The following KLRG1 variants were observed in gnomAD, a reference collection of about 807,000 sequenced individuals.
KLRG1 encodes the protein killer cell lectin-like receptor subfamily G member 1.
Under a neutral mutation model 21.8 loss-of-function variants are expected in KLRG1, and 16 were observed. The ratio of observed to expected loss-of-function variants is 0.73; its 90% CI spans 0.50 to 1.11. The LOEUF (loss-of-function observed/expected upper bound fraction) is 1.11, where lower values mean the gene tolerates loss of function less well. Among genes scored for constraint, KLRG1 ranks in the 50% most tolerant of loss-of-function variants. The pLI, the probability that KLRG1 is intolerant of heterozygous loss-of-function variation, is 0.00. For missense variants in KLRG1, 173 were observed against 218.3 expected, an observed-to-expected ratio of 0.79 and a Z score of 1.31; for synonymous variants, 69 against 75.9, an observed-to-expected ratio of 0.91 and a Z score of 0.47.
At chr12:9,099,438 G>A in the KLRG1 span, 39 of 1,597,934 alleles carry the variant, frequency 2.4e-5, no homozygotes, top group African/African-American at 1.2e-4. Context: ...TCACGTCCCC[G>A]GTAGGTAAAA....
the KLRG1 span, among the ~76,000 whole-genome samples, chr12:9,134,920 T>C: frequency 6.6e-6 from 1 of 152,162 alleles, no homozygotes; most frequent in South Asian, 2.1e-4. Flanking sequence ...TTTTTTACTC[T>C]AATGAAAGAA....
the KLRG1 span, among the ~76,000 whole-genome samples, chr12:9,163,309 A>G: frequency 1.3e-5 from 2 of 151,468 alleles, no homozygotes; most frequent in East Asian, 1.9e-4. Flanking sequence ...AAAAAAAAAA[A>G]AAAAAATTAG....
At chr12:9,164,222 G>C in the KLRG1 span, 1 of 1,612,230 alleles carries the variant, frequency 6.2e-7, no homozygotes, top group Non-Finnish European at 8.5e-7. Context: ...ATTTTGGGAA[G>C]CTAGGAAGGC....
chr12:9,153,395 G>C, the KLRG1 span: 2 of 1,497,988 alleles, frequency 1.3e-6, no homozygotes, highest in Non-Finnish European at 1.8e-6. Flanking sequence ...TTGGCATCTG[G>C]GATTTTCCCC....
At chr12:8,993,940 G>A (rs1445754982) in intron 2 of KLRG1, among the ~76,000 whole-genome samples, 5 of 152,162 alleles carry the variant, frequency 3.3e-5, no homozygotes, top group African/African-American at 1.2e-4. Flanking sequence ...CTTGCTCACT[G>A]TAGAATTGTG....
intron 1 of KLRG1, among the ~76,000 whole-genome samples, chr12:8,956,607 G>A (rs754751798): frequency 3.2e-4 from 48 of 152,108 alleles, no homozygotes; most frequent in African/African-American, 1.1e-3. Flanking sequence ...CACGACTTCC[G>A]GCTAATTTGT....
the KLRG1 span, chr12:9,028,109 C>A: frequency 1.1e-6 from 1 of 950,332 alleles, no homozygotes; most frequent in Non-Finnish European, 1.7e-6. Flanking sequence ...TTTTTCCAAA[C>A]TGTTCAAAAT....
At chr12:9,168,813 G>T in the KLRG1 span, 2 of 1,303,086 alleles carry the variant, frequency 1.5e-6, no homozygotes, top group Non-Finnish European at 2.2e-6. Context: ...TTAGCATTTT[G>T]GGCATAGTAA....
At chr12:8,972,041 T>C (rs185599742) in intron 1 of KLRG1, among the ~76,000 whole-genome samples, 15 of 152,384 alleles carry the variant, frequency 9.8e-5, no homozygotes, top group African/African-American at 3.6e-4. Flanking sequence ...TTACTTTTGT[T>C]GTCTGTGCTT....
the KLRG1 span, among the ~76,000 whole-genome samples, chr12:9,129,191 T>C: frequency 1.3e-5 from 2 of 149,178 alleles, no homozygotes; most frequent in Admixed American, 1.3e-4. Context: ...AATGAAGAAC[T>C]ATATTAAATT....
At chr12:9,148,304 AAAT>A in the KLRG1 span, among the ~76,000 whole-genome samples, 11 of 152,246 alleles carry the variant, frequency 7.2e-5, no homozygotes, top group Middle Eastern at 3.4e-3. Flanking sequence ...CTTTCTATTA[AAAT>A]AATCTATAGG....
At chr12:9,132,059 C>T in the KLRG1 span, among the ~76,000 whole-genome samples, 1 of 152,226 alleles carries the variant, frequency 6.6e-6, no homozygotes, top group East Asian at 1.9e-4. Flanking sequence ...GAATGTCCTT[C>T]CTTGTTCTTA....
the KLRG1 span, among the ~76,000 whole-genome samples, chr12:9,024,371 A>C: frequency 1.3e-5 from 2 of 152,092 alleles, no homozygotes; most frequent in African/African-American, 4.8e-5. Context: ...CCTTTTTAAA[A>C]TATATCTATC....
the KLRG1 span, among the ~76,000 whole-genome samples, chr12:9,085,924 A>G: frequency 2.6e-5 from 4 of 152,348 alleles, no homozygotes; most frequent in Non-Finnish European, 4.4e-5. Flanking sequence ...AGACATATAC[A>G]TACTACCAAG....
the KLRG1 span, among the ~76,000 whole-genome samples, chr12:9,118,858 T>C: frequency 6.6e-6 from 1 of 152,176 alleles, no homozygotes; most frequent in African/African-American, 2.4e-5. Flanking sequence ...TATCAGTTTA[T>C]TGGGCAAGCT....
chr12:9,038,319 G>C, the KLRG1 span, among the ~76,000 whole-genome samples: 7 of 152,280 alleles, frequency 4.6e-5, no homozygotes, highest in South Asian at 4.2e-4. Context: ...AGGAAGGGCA[G>C]GCTGGGACTC....
At chr12:9,186,030 T>A in the KLRG1 span, among the ~76,000 whole-genome samples, 12 of 151,872 alleles carry the variant, frequency 7.9e-5, no homozygotes, top group East Asian at 1.9e-4. Context: ...ATGGTCTCGA[T>A]CTCCTGACTT....
intron 1 of KLRG1, among the ~76,000 whole-genome samples, chr12:8,982,699 G>A (rs1034955187): frequency 6.8e-6 from 1 of 146,750 alleles, no homozygotes; most frequent in East Asian, 2.0e-4. Flanking sequence ...AGGCTGGAGT[G>A]CAATGGTGCG....
At chr12:9,207,846 G>A in the KLRG1 span, among the ~76,000 whole-genome samples, 1 of 152,190 alleles carries the variant, frequency 6.6e-6, no homozygotes, top group African/African-American at 2.4e-5. Flanking sequence ...ACTGGGGGCT[G>A]TTGGTGAAGA....
Sources: allele counts gnomAD v4.1 joint callset (sites outside exome capture counted in the v4.1 genomes callset), GRCh38; gene constraint gnomAD v4.1.1; transcripts MANE v1.5; gene names NCBI Gene and HGNC (gene_info 2026-07-23, HGNC 2026-07-21).